The following KCNMB2 variants were observed in gnomAD, a reference collection of about 807,000 sequenced individuals.
KCNMB2 encodes the protein calcium-activated potassium channel subunit beta-2.
In KCNMB2, 9 loss-of-function variants were observed where a neutral mutation model predicts 24.5. The ratio of observed to expected loss-of-function variants is 0.37; its 90% confidence interval spans 0.22 to 0.64. KCNMB2 has a LOEUF of 0.64. KCNMB2 is among the 30% of genes least tolerant of loss of function. The probability of loss-of-function intolerance (pLI) is 0.63; values close to 1 mark genes in which losing one functional copy is unlikely to be tolerated. For missense variants in KCNMB2, 226 were observed against 284.3 expected (o/e 0.79, Z 1.47); for synonymous variants, 109 against 104.4 (o/e 1.04, Z -0.27).
chr3:178,550,372 G>C (rs1431232223), intron 1 of KCNMB2, among the ~76,000 whole-genome samples: 4 of 148,810 alleles, frequency 2.7e-5, no homozygotes. Context: ...GCAGGAGAAT[G>C]GCATGAACCC....
chr3:178,687,776 C>A (rs2108325993), intron 1 of KCNMB2, among the ~76,000 whole-genome samples: 1 of 151,824 alleles, frequency 6.6e-6, no homozygotes, highest in South Asian at 2.1e-4. Flanking sequence ...TTGGAAAATA[C>A]CTTCAAAAAT....
chr3:178,686,231 T>C (rs1268524210), intron 1 of KCNMB2, among the ~76,000 whole-genome samples: 1 of 152,186 alleles, frequency 6.6e-6, no homozygotes, highest in African/African-American at 2.4e-5. Context: ...AGCATACACA[T>C]TTATTTAATA....
chr3:178,657,533 T>A (rs1318193173), intron 1 of KCNMB2, among the ~76,000 whole-genome samples: 1 of 152,266 alleles, frequency 6.6e-6, no homozygotes, highest in African/African-American at 2.4e-5. Flanking sequence ...GAGGTGATGT[T>A]ACATAGCAAG....
At chr3:178,541,324 A>G (rs1447664596) in intron 1 of KCNMB2, among the ~76,000 whole-genome samples, 4 of 152,180 alleles carry the variant, frequency 2.6e-5, no homozygotes, top group Non-Finnish European at 5.9e-5. Flanking sequence ...ATAAATGTTG[A>G]CACGTCCTAT....
chr3:178,749,629 T>C (rs924717951), intron 1 of KCNMB2, among the ~76,000 whole-genome samples: 2 of 152,248 alleles, frequency 1.3e-5, no homozygotes, highest in Admixed American at 6.5e-5. Flanking sequence ...TCTTTGAAGA[T>C]ATGATGCTGG....
chr3:178,803,210 G>C (rs763875676), intron 1 of KCNMB2, among the ~76,000 whole-genome samples: 25 of 152,204 alleles, frequency 1.6e-4, no homozygotes, highest in Non-Finnish European at 3.7e-4. Context: ...GGTGATGCCA[G>C]GAGGCAAACA....
chr3:178,762,030 G>A (rs1711912149), intron 1 of KCNMB2, among the ~76,000 whole-genome samples: 1 of 152,038 alleles, frequency 6.6e-6, no homozygotes, highest in Non-Finnish European at 1.5e-5. Flanking sequence ...AATTAACCAG[G>A]CGTCGTAGCG....
intron 1 of KCNMB2, among the ~76,000 whole-genome samples, chr3:178,703,117 T>C (rs919073851): frequency 4.6e-5 from 7 of 152,072 alleles, no homozygotes; most frequent in African/African-American, 1.7e-4. Flanking sequence ...GGAAAGAGAA[T>C]CAGTAAATAA....
At chr3:178,836,306 G>A (rs1715227035) in intron 4 of KCNMB2, among the ~76,000 whole-genome samples, 1 of 151,142 alleles carries the variant, frequency 6.6e-6, no homozygotes. Context: ...GAAAGATTCT[G>A]GAAGAGAGGC....
chr3:178,678,232 C>G (rs1192345580), intron 1 of KCNMB2, among the ~76,000 whole-genome samples: 3 of 152,112 alleles, frequency 2.0e-5, no homozygotes, highest in African/African-American at 7.2e-5. Context: ...GAGGAAAAAA[C>G]AAAAATGGAA....
intron 1 of KCNMB2, among the ~76,000 whole-genome samples, chr3:178,788,514 T>G (rs1713197282): frequency 6.6e-6 from 1 of 152,158 alleles, no homozygotes; most frequent in Non-Finnish European, 1.5e-5. Context: ...ATTTACTGAG[T>G]ACCTACAGAA....
intron 1 of KCNMB2, among the ~76,000 whole-genome samples, chr3:178,646,298 G>A (rs904291593): frequency 1.3e-5 from 2 of 152,178 alleles, no homozygotes; most frequent in Admixed American, 6.5e-5. Flanking sequence ...CTGGAAACAG[G>A]CAAATATCTG....
intron 1 of KCNMB2, among the ~76,000 whole-genome samples, chr3:178,728,055 G>A (rs1723022074): frequency 6.6e-6 from 1 of 152,168 alleles, no homozygotes; most frequent in Admixed American, 6.6e-5. Flanking sequence ...CCTTATGCAT[G>A]GAACTGGCTA....
intron 1 of KCNMB2, among the ~76,000 whole-genome samples, chr3:178,741,952 A>G (rs1268910336): frequency 6.6e-6 from 1 of 152,216 alleles, no homozygotes; most frequent in Non-Finnish European, 1.5e-5. Context: ...TCCTAAGATT[A>G]TTATGTGGAA....
At chr3:178,804,900 T>C (rs1348121219) in intron 1 of KCNMB2, among the ~76,000 whole-genome samples, 1 of 152,236 alleles carries the variant, frequency 6.6e-6, no homozygotes, top group Non-Finnish European at 1.5e-5. Context: ...TATGAAGTAA[T>C]TCATTCAATT....
intron 1 of KCNMB2, among the ~76,000 whole-genome samples, chr3:178,705,508 G>A (rs926570347): frequency 4.6e-5 from 7 of 152,120 alleles, no homozygotes; most frequent in African/African-American, 1.7e-4. Flanking sequence ...AAATGAGAGA[G>A]TAGGTTTTAT....
intron 1 of KCNMB2, among the ~76,000 whole-genome samples, chr3:178,770,405 A>G (rs1712299498): frequency 6.6e-6 from 1 of 152,236 alleles, no homozygotes; most frequent in Non-Finnish European, 1.5e-5. Flanking sequence ...TTGAGCACCA[A>G]AATGCTGATC....
intron 1 of KCNMB2, among the ~76,000 whole-genome samples, chr3:178,583,861 G>A (rs1717309017): frequency 6.6e-6 from 1 of 152,202 alleles, no homozygotes; most frequent in Admixed American, 6.5e-5. Context: ...GCTGTTCACT[G>A]CACTCCATAG....
intron 1 of KCNMB2, among the ~76,000 whole-genome samples, chr3:178,603,783 C>T (rs1213517152): frequency 2.0e-5 from 3 of 152,174 alleles, no homozygotes; most frequent in Admixed American, 6.5e-5. Context: ...GGAAATTCTA[C>T]TGCTTATTCT....
Sources: allele counts gnomAD v4.1 joint callset (sites outside exome capture counted in the v4.1 genomes callset), GRCh38; gene constraint gnomAD v4.1.1; transcripts MANE v1.5; gene names NCBI Gene and HGNC (gene_info 2026-07-23, HGNC 2026-07-21).